Variants in NOX4 observed in about 807,000 individuals in gnomAD.
The protein encoded by NOX4 is kidney oxidase-1.
In NOX4, 69 loss-of-function variants were observed where a neutral mutation model predicts 87.6. The observed-to-expected ratio is 0.79, with a 90% CI of 0.65 to 0.96. The LOEUF is 0.96. Among genes scored for constraint, NOX4 ranks in the 40% least tolerant of loss-of-function variants. The pLI is 0.00. For missense variants in NOX4, 680 were observed against 681.5 expected (o/e 1.00, Z 0.02); for synonymous variants, 275 against 238.2 (o/e 1.15, Z -1.42).
chr11:89,373,561 CT>C, intron 11 of NOX4, 69 bp from the exon 12 acceptor site: 1 of 1,014,314 alleles, frequency 9.9e-7, no homozygotes, highest in Non-Finnish European at 1.6e-6. Context: ...TCAATTACAA[CT>C]TTTATCCTGA....
At chr11:89,435,026 A>G (rs1299470428) in intron 6 of NOX4, among the ~76,000 whole-genome samples, 1 of 152,098 alleles carries the variant, frequency 6.6e-6, no homozygotes, top group African/African-American at 2.4e-5. Flanking sequence ...AATATTTATC[A>G]TCTAACTTTT....
intron 14 of NOX4, among the ~76,000 whole-genome samples, chr11:89,340,644 T>C (rs918883872): frequency 6.6e-6 from 1 of 152,188 alleles, no homozygotes; most frequent in Non-Finnish European, 1.5e-5. Context: ...TCCAGAAACT[T>C]GGTTGTTTAT....
chr11:89,470,810 T>C lies in NOX4; in HGVS notation c.154-18915A>G, dbSNP rs113074550. Reference sequence around the variant, plus strand: ...TAGGCTACTTGGCTACATATACTTTTATATTATATGCCTCAGTTTAGCTCC... The same window carrying C: ...TAGGCTACTTGGCTACATATACTTTCATATTATATGCCTCAGTTTAGCTCC... On this transcript the variant is annotated intron_variant, in intron 2 of 17. Transcript: ENST00000263317. 3.2e-3 allele frequency among the ~76,000 whole-genome samples: 493 copies of C among 152,294 alleles called. 5 individuals are homozygous for C. Among genetic ancestry groups the C allele is most frequent in the African/African-American group, 0.011 (475 of 41,572 alleles).
At chr11:89,422,112 TCTA>T in intron 7 of NOX4, 130 bp from the exon 8 acceptor site, 2 of 507,384 alleles carry the variant, frequency 3.9e-6, no homozygotes, top group Admixed American at 8.4e-5. Flanking sequence ...ATCATATTAA[TCTA>T]CTAATACCAA....
chr11:89,335,565 C>T (rs1324948657), intron 17 of NOX4, among the ~76,000 whole-genome samples: 5 of 151,708 alleles, frequency 3.3e-5, no homozygotes, highest in Admixed American at 2.6e-4. Context: ...GAGCGAATAC[C>T]CATTTTTAAT....
In NOX4 at chr11:89,401,920, C is replaced by T. The variant is rs181299786; in HGVS notation, c.846+406G>A. On this transcript the variant is annotated intron_variant, in intron 9 of 17. Transcript: ENST00000263317. ...TTAAGCATTCAATAAATTGATTTTG[C>T]TATTTACTATTTACAATATTATACA... Among the ~76,000 whole-genome samples the T allele has an allele frequency of 1.3e-3, 192 of 151,974 alleles. 2 individuals are homozygous for T. The highest frequency in any genetic ancestry group is 4.3e-3 in the African/African-American group (180 of 41,478).
At chr11:89,394,806 T>C (rs1222295665) in intron 11 of NOX4, among the ~76,000 whole-genome samples, 2 of 152,176 alleles carry the variant, frequency 1.3e-5, no homozygotes, top group Non-Finnish European at 2.9e-5. Flanking sequence ...TCCAGCTTCA[T>C]CCATGGCCCT....
At chr11:89,455,317 G>C (rs976633422) in intron 2 of NOX4, among the ~76,000 whole-genome samples, 1 of 152,032 alleles carries the variant, frequency 6.6e-6, no homozygotes, top group African/African-American at 2.4e-5. Context: ...CCATGGAGAA[G>C]CAGAAGCCCC....
At chr11:89,451,424 T>C (rs1163476251) in intron 3 of NOX4, among the ~76,000 whole-genome samples, 1 of 152,120 alleles carries the variant, frequency 6.6e-6, no homozygotes, top group Non-Finnish European at 1.5e-5. Flanking sequence ...GGATTGACCT[T>C]AGCTCTGTCA....
intron 8 of NOX4, among the ~76,000 whole-genome samples, chr11:89,406,132 G>A (rs2135204460): frequency 6.6e-6 from 1 of 151,868 alleles, no homozygotes; most frequent in South Asian, 2.1e-4. Flanking sequence ...TCATTTCTTT[G>A]GTATTAGTGC....
At chr11:89,568,526 A>C in the NOX4 span, among the ~76,000 whole-genome samples, 2 of 152,222 alleles carry the variant, frequency 1.3e-5, no homozygotes, top group Non-Finnish European at 2.9e-5. Flanking sequence ...ATTGAAAGTA[A>C]TCAGAGATTA....
chr11:89,524,941 G>A, the NOX4 span, among the ~76,000 whole-genome samples: 7 of 151,880 alleles, frequency 4.6e-5, no homozygotes, highest in African/African-American at 1.7e-4. Flanking sequence ...ATTTTTATGA[G>A]TAGAATCATA....
the NOX4 span, among the ~76,000 whole-genome samples, chr11:89,581,011 G>T: frequency 6.6e-6 from 1 of 152,186 alleles, no homozygotes; most frequent in African/African-American, 2.4e-5. Flanking sequence ...AAAATTTTAG[G>T]TTGAAAGAAA....
At chr11:89,555,608 G>T in the NOX4 span, among the ~76,000 whole-genome samples, 1 of 151,980 alleles carries the variant, frequency 6.6e-6, no homozygotes, top group African/African-American at 2.4e-5. Flanking sequence ...GAAAGATGAG[G>T]CCTTCTCCAG....
chr11:89,451,436 T>C (rs532204469), intron 3 of NOX4, among the ~76,000 whole-genome samples: 7 of 152,268 alleles, frequency 4.6e-5, no homozygotes, highest in South Asian at 2.1e-4. Context: ...GCTCTGTCAT[T>C]CCCTAGTCTC....
Position 89,451,686 on chromosome 11 carries a change from C to G in NOX4, c.264+99G>C, listed in dbSNP as rs371470089. ...TACCATCATCTTACAAGAAATCACT[C>G]CAGTCAAAAGTCAGACTATGAAAAG... On this transcript the variant is annotated intron_variant, in intron 3 of 17. Coordinates refer to ENST00000263317, the MANE Select transcript of NOX4 (RefSeq NM_016931.5). The G allele has an allele frequency of 9.1e-6, 7 of 771,874 alleles. No homozygotes were observed. In the African/African-American group the frequency reaches 1.2e-4, roughly 13 times the overall value. 47.8% of individuals were successfully genotyped at this position (771,874 alleles called of 1,614,324 possible). A position where few individuals can be genotyped will look rare whatever the true frequency, so the allele number is the denominator to read the frequency against.
chr11:89,400,582 A>G (rs1016587794), intron 9 of NOX4, among the ~76,000 whole-genome samples: 37 of 152,222 alleles, frequency 2.4e-4, no homozygotes, highest in South Asian at 6.2e-4. Flanking sequence ...AGAAAGTAAT[A>G]TCAAGACCCT....
the NOX4 span, among the ~76,000 whole-genome samples, chr11:89,588,373 C>T: frequency 2.0e-5 from 3 of 152,048 alleles, no homozygotes; most frequent in South Asian, 2.1e-4. Flanking sequence ...ACAGAAGCAT[C>T]GAGAAATACA....
the NOX4 span, among the ~76,000 whole-genome samples, chr11:89,562,768 A>G: frequency 1.3e-5 from 2 of 152,132 alleles, no homozygotes; most frequent in Non-Finnish European, 2.9e-5. Context: ...CTTTTCACCT[A>G]TGCTTTGTGT....
Sources: allele counts gnomAD v4.1 joint callset (sites outside exome capture counted in the v4.1 genomes callset), GRCh38; gene constraint gnomAD v4.1.1; transcripts MANE v1.5; gene names NCBI Gene and HGNC (gene_info 2026-07-23, HGNC 2026-07-21).